The following LDB2 variants were observed in gnomAD, a reference collection of about 807,000 sequenced individuals.
LDB2 encodes the protein LIM domain-binding protein 2.
A neutral mutation model predicts 44.3 loss-of-function variants in LDB2; 12 were observed. The observed-to-expected ratio is 0.27, with a 90% CI of 0.17 to 0.44. The LOEUF is 0.44. LDB2 is among the 20% of genes least tolerant of loss of function. The pLI is 1.00. For missense variants in LDB2, 344 were observed against 473.5 expected (o/e 0.73, Z 2.54); for synonymous variants, 164 against 174.8 (o/e 0.94, Z 0.49).
intron 1 of LDB2, among the ~76,000 whole-genome samples, chr4:16,820,481 T>C (rs1448420151): frequency 1.3e-5 from 2 of 152,126 alleles, no homozygotes. Flanking sequence ...AAACCGTCAG[T>C]GATGACTTCA....
intron 2 of LDB2, among the ~76,000 whole-genome samples, chr4:16,672,826 GCCTTCTTT>G (rs1045976476): frequency 6.7e-4 from 26 of 38,642 alleles, no homozygotes; most frequent in African/African-American, 2.2e-3. Context: ...CTGCCTGCCT[GCCTTCTTT>G]CCTTCCTTCC....
At chr4:16,640,971 G>T (rs1734963238) in intron 2 of LDB2, among the ~76,000 whole-genome samples, 1 of 152,128 alleles carries the variant, frequency 6.6e-6, no homozygotes, top group South Asian at 2.1e-4. Flanking sequence ...TGGAGTCCTT[G>T]TCCCCATGAT....
intron 1 of LDB2, among the ~76,000 whole-genome samples, chr4:16,861,208 A>G (rs1249131651): frequency 6.6e-6 from 1 of 152,218 alleles, no homozygotes; most frequent in Non-Finnish European, 1.5e-5. Flanking sequence ...CAAACTGATC[A>G]AAAGAGATGA....
intron 2 of LDB2, among the ~76,000 whole-genome samples, chr4:16,596,466 C>T (rs927613012): frequency 2.6e-5 from 4 of 152,210 alleles, no homozygotes; most frequent in African/African-American, 9.6e-5. Flanking sequence ...TTCAAGGTCA[C>T]GTGACTTGTA....
chr4:16,658,645 GACAA>G (rs1234656797), intron 2 of LDB2, among the ~76,000 whole-genome samples: 3 of 152,170 alleles, frequency 2.0e-5, no homozygotes, highest in Admixed American at 6.5e-5. Flanking sequence ...CACATTTCAG[GACAA>G]ACAAATATGC....
In LDB2 at chr4:16,878,699, C is replaced by T. The variant is rs553298046; in HGVS notation, c.132+19655G>A. ...GTCTGACCCCAACCTGCATCATCAG[C>T]TTCTTTGCTGTCTGAACTATGGACA... On this transcript the variant is annotated intron_variant, in intron 1 of 7. Transcript: ENST00000304523. Among the ~76,000 whole-genome samples the T allele has an allele frequency of 9.2e-5, 14 of 152,344 alleles. No individual in the cohort carries two copies. The South Asian group carries it at 1.4e-3, about 16-fold the overall frequency.
intron 1 of LDB2, among the ~76,000 whole-genome samples, chr4:16,852,821 T>G (rs1244689058): frequency 1.3e-5 from 2 of 152,170 alleles, no homozygotes; most frequent in African/African-American, 4.8e-5. Flanking sequence ...AACAAACTGA[T>G]CCACATATTT....
intron 1 of LDB2, among the ~76,000 whole-genome samples, chr4:16,796,948 T>C (rs764803605): frequency 2.6e-5 from 4 of 152,142 alleles, no homozygotes; most frequent in Non-Finnish European, 4.4e-5. Flanking sequence ...TGAGAAATTG[T>C]TCCAAGCAAA....
intron 1 of LDB2, among the ~76,000 whole-genome samples, chr4:16,871,948 A>G (rs1459711531): frequency 3.9e-5 from 6 of 152,146 alleles, no homozygotes; most frequent in Non-Finnish European, 8.8e-5. Flanking sequence ...TTATTCATCA[A>G]TGAAAATTAC....
At chr4:16,718,381 G>A (rs1391434887) in intron 2 of LDB2, among the ~76,000 whole-genome samples, 1 of 152,106 alleles carries the variant, frequency 6.6e-6, no homozygotes, top group East Asian at 1.9e-4. Context: ...TGCAATGAAA[G>A]AGAAAAATGA....
chr4:16,673,183 A>G (rs1745366408), intron 2 of LDB2, among the ~76,000 whole-genome samples: 1 of 152,150 alleles, frequency 6.6e-6, no homozygotes, highest in African/African-American at 2.4e-5. Context: ...TTCACAAGAG[A>G]TATCTCTGCT....
At chr4:16,797,851 A>G (rs1777037083) in intron 1 of LDB2, among the ~76,000 whole-genome samples, 1 of 151,902 alleles carries the variant, frequency 6.6e-6, no homozygotes, top group African/African-American at 2.4e-5. Context: ...CCTGGCCAAC[A>G]TGGTGAAACC....
intron 5 of LDB2, among the ~76,000 whole-genome samples, chr4:16,581,921 G>GAAGAAAGA (rs139439963): frequency 2.8e-5 from 4 of 145,260 alleles, no homozygotes; most frequent in African/African-American, 1.0e-4. Flanking sequence ...ACGAAGGAAA[G>GAAGAAAGA]AAGAAAGAAA....
rs148566472 is a variant in LDB2 at position 16,575,952 on chromosome 4, C to T, written c.615+9970G>A. ...ATGGGGTTTCACCATCTTGGACAGG[C>T]TGGTCTTGAACTCTTGACCTCGTGA... On this transcript the variant is annotated intron_variant, in intron 5 of 7. Coordinates refer to ENST00000304523, the MANE Select transcript of LDB2 (RefSeq NM_001290.5). Among the ~76,000 whole-genome samples, 645 of 152,300 alleles carry T rather than the reference C, an allele frequency of 4.2e-3. 8 individuals are homozygous for T. The highest frequency in any genetic ancestry group is 0.015 in the African/African-American group (618 of 41,572).
intron 1 of LDB2, among the ~76,000 whole-genome samples, chr4:16,826,099 G>C (rs1282092966): frequency 2.1e-5 from 3 of 143,338 alleles, no homozygotes; most frequent in African/African-American, 8.3e-5. Flanking sequence ...AGACTAGATA[G>C]AGAAATATTA....
chr4:16,566,490 T>G (rs1744569497), intron 5 of LDB2, among the ~76,000 whole-genome samples: 1 of 152,112 alleles, frequency 6.6e-6, no homozygotes, highest in Non-Finnish European at 1.5e-5. Context: ...CTAAACAGTT[T>G]CCTCTCATTT....
chr4:16,653,143 A>T (rs1336677599), intron 2 of LDB2, among the ~76,000 whole-genome samples: 1 of 152,304 alleles, frequency 6.6e-6, no homozygotes, highest in African/African-American at 2.4e-5. Flanking sequence ...GGGGCCCTGC[A>T]GCTGATAGAG....
intron 1 of LDB2, among the ~76,000 whole-genome samples, chr4:16,804,016 A>T (rs968508359): frequency 6.6e-6 from 1 of 152,218 alleles, no homozygotes; most frequent in African/African-American, 2.4e-5. Flanking sequence ...TTATTTCATC[A>T]CTTGATTGAG....
intron 2 of LDB2, among the ~76,000 whole-genome samples, chr4:16,757,989 T>G (rs369332085): frequency 2.4e-5 from 1 of 41,578 alleles, no homozygotes; most frequent in South Asian, 1.5e-3. Flanking sequence ...GACACAAACA[T>G]GAGAGATGCG....
Sources: allele counts gnomAD v4.1 joint callset (sites outside exome capture counted in the v4.1 genomes callset), GRCh38; gene constraint gnomAD v4.1.1; transcripts MANE v1.5; gene names NCBI Gene and HGNC (gene_info 2026-07-23, HGNC 2026-07-21).